Variants in DYNC2H1 observed in about 807,000 individuals in gnomAD.
The protein encoded by DYNC2H1 is cytoplasmic dynein 2 heavy chain 1.
Under a neutral mutation model 570.0 loss-of-function variants are expected in DYNC2H1, and 410 were observed. The ratio of observed to expected loss-of-function variants is 0.72; its 90% CI spans 0.66 to 0.78. DYNC2H1 has a LOEUF of 0.78. Among genes scored for constraint, DYNC2H1 ranks in the 30% least tolerant of loss-of-function variants. DYNC2H1 has a pLI of 0.00. For missense variants in DYNC2H1, 4,865 were observed against 5,046.4 expected (o/e 0.96, Z 1.09); for synonymous variants, 1,688 against 1,677.6 (o/e 1.01, Z -0.15).
At chr11:103,469,776 G>A (rs1029546005) in intron 88 of DYNC2H1, among the ~76,000 whole-genome samples, 5 of 152,086 alleles carry the variant, frequency 3.3e-5, no homozygotes, top group African/African-American at 9.7e-5. Context: ...CAATCTTGCT[G>A]TTAATTCCTA....
chr11:103,316,484 C>G lies in DYNC2H1; in HGVS notation c.11650-61C>G, dbSNP rs140778179. On this transcript the variant is annotated intron_variant, in intron 79 of 88. Transcript: ENST00000375735. ...ATCATTTAATTTAAAGACAGTGATA[C>G]ATACATATATATCTTTGACTACTGC... 171 of 1,119,246 alleles carry G rather than the reference C, an allele frequency of 1.5e-4. No individual in the cohort carries two copies. In the African/African-American group the frequency reaches 2.5e-3, roughly 17 times the overall value. 69.3% of individuals were successfully genotyped at this position (1,119,246 alleles called of 1,614,324 possible).
chr11:103,353,838 A>G (rs149771090), intron 82 of DYNC2H1, among the ~76,000 whole-genome samples: 2,756 of 152,146 alleles, frequency 0.018, 32 homozygotes, highest in Non-Finnish European at 0.027. Flanking sequence ...AAAGTAATCA[A>G]TTACTGAAAT....
At chr11:103,171,898 CAACAA>C (rs1861590116) in intron 34 of DYNC2H1, among the ~76,000 whole-genome samples, 2 of 152,042 alleles carry the variant, frequency 1.3e-5, no homozygotes, top group African/African-American at 4.8e-5. Context: ...AATGTTAAAA[CAACAA>C]ACACTTAGCT....
At chr11:103,213,627 T>A (rs1863248531) in intron 54 of DYNC2H1, among the ~76,000 whole-genome samples, 2 of 150,038 alleles carry the variant, frequency 1.3e-5, no homozygotes, top group East Asian at 1.9e-4. Context: ...GTGTGTCTTT[T>A]AAAAAAAAAA....
intron 85 of DYNC2H1, among the ~76,000 whole-genome samples, chr11:103,437,413 G>T (rs1161032960): frequency 6.6e-6 from 1 of 151,982 alleles, no homozygotes; most frequent in Non-Finnish European, 1.5e-5. Context: ...CTGTTTGCCA[G>T]CCTACAATTG....
rs372055203 is a variant in DYNC2H1, at chr11:103,135,796, G to A, written c.2422G>A (p.Gly808Ser). 122 of 1,612,890 alleles carry A rather than the reference G, an allele frequency of 7.6e-5. No individual in the cohort carries two copies. Among genetic ancestry groups the A allele is most frequent in the Middle Eastern group, 1.7e-4 (1 of 6,056 alleles). ...TTATAGAGAAATGAAGAGATTCATC[G>A]GCATTCCAAATCAGTTTAAGGGAGT... is the stretch of plus-strand genomic sequence containing the variant. ...KYYREMKRFI[G>S]IPNQFKGVGE... Residue 808 changes from glycine (G) to serine (S), a missense_variant, in exon 17 of 89, where the codon GGC becomes AGC. By Grantham distance (56) the Gly-to-Ser change is moderately conservative (BLOSUM62 0). This residue lies in a region of DYNC2H1 where 1,936 missense variants were observed against 1,962.1 expected (regional missense o/e 0.99). Transcript: ENST00000375735.
chr11:103,255,554 G>A lies in DYNC2H1; in HGVS notation c.10326+20G>A, dbSNP rs894786398. On this transcript the variant is annotated intron_variant, in intron 67 of 88. Transcript: ENST00000375735. ...CTAGAGGTAAAAGTCTAGCTATTTA[G>A]GTTACTTTTTTCGTATTACTTTTTT... The A allele has an allele frequency of 2.0e-6, 3 of 1,506,434 alleles. No individual in the cohort carries two copies. Among genetic ancestry groups the A allele is most frequent in the Non-Finnish European group, 2.6e-6 (3 of 1,132,668 alleles). The allele number at this position is 1,506,434 out of a possible 1,614,324, so 93.3% of individuals were successfully genotyped here.
rs752122333 is a variant in DYNC2H1, at chr11:103,455,238, T to TATC, written c.12511_12513dup (p.Ser4171dup). The TATC allele has an allele frequency of 6.2e-7, 1 of 1,613,520 alleles. No homozygotes were observed. The highest frequency in any genetic ancestry group is 8.5e-7 in the Non-Finnish European group (1 of 1,179,566). On this transcript the variant is annotated inframe_insertion, in exon 86 of 89. Coordinates refer to ENST00000375735, the MANE Select transcript of DYNC2H1 (RefSeq NM_001377.3). ...GCTCTTCTCTCTGAAACACTTGACC[T>TATC]ATCAGAACTTTTCCATCCAGACACA...
intron 50 of DYNC2H1, among the ~76,000 whole-genome samples, chr11:103,202,363 C>G (rs61899767): frequency 0.096 from 13,050 of 135,534 alleles, 752 homozygotes; most frequent in Non-Finnish European, 0.12. Context: ...TATTTTAAGA[C>G]AAATTGGTCT....
In DYNC2H1 at chr11:103,177,321, C is replaced by T. The variant is rs1286120096; in HGVS notation, c.5875-235C>T. Among the ~76,000 whole-genome samples, 2 of 151,938 alleles carry T rather than the reference C, an allele frequency of 1.3e-5. No homozygotes were observed. The highest frequency in any genetic ancestry group is 2.4e-5 in the African/African-American group (1 of 41,372). ...TAATTGTTCATACAAGTTTTTTGAACTTGGAAACCTGGAAAGCACCTTTGT... is the reference window on the plus strand; with the variant it reads ...TAATTGTTCATACAAGTTTTTTGAATTTGGAAACCTGGAAAGCACCTTTGT... On this transcript the variant is annotated intron_variant, in intron 37 of 88. Coordinates refer to ENST00000375735, the MANE Select transcript of DYNC2H1 (RefSeq NM_001377.3). The surrounding 1 kb of genome is among the most constrained non-coding windows in gnomAD (Gnocchi z 4.4).
At chr11:103,476,258 T>C (rs1378625701) in intron 88 of DYNC2H1, among the ~76,000 whole-genome samples, 1 of 152,212 alleles carries the variant, frequency 6.6e-6, no homozygotes, top group Non-Finnish European at 1.5e-5. Context: ...CATTTTTTTT[T>C]CTGAAGTTCA....
Position 103,245,443 on chromosome 11 carries a change from G to A in DYNC2H1, c.10042+69G>A. 1.4e-6 allele frequency: 2 copies of A among 1,474,378 alleles called. No individual in the cohort carries two copies. Among genetic ancestry groups the A allele is most frequent in the African/African-American group, 1.4e-5 (1 of 70,288 alleles). The allele number at this position is 1,474,378 out of a possible 1,614,324, so 91.3% of individuals were successfully genotyped here. On this transcript the variant is annotated intron_variant, in intron 65 of 88. Transcript: ENST00000375735. The surrounding 1 kb of genome is among the most constrained non-coding windows in gnomAD (Gnocchi z 4.5). ...TCCAAAGTAAGTAATTAAACCAGGT[G>A]CAAGCTTTCAAGAGTCCTCTTCCAG...
intron 17 of DYNC2H1, among the ~76,000 whole-genome samples, chr11:103,141,807 A>C (rs1363142485): frequency 1.3e-5 from 2 of 152,232 alleles, no homozygotes; most frequent in East Asian, 3.9e-4. Flanking sequence ...CCCTGCCCCC[A>C]GAGGTGGAGC....
At chr11:103,282,147 T>G in intron 71 of DYNC2H1, 32 bp from the exon 72 acceptor site, 2 of 1,592,176 alleles carry the variant, frequency 1.3e-6, no homozygotes, top group East Asian at 4.5e-5. Flanking sequence ...ATCATTTTTA[T>G]ATTTTTGTGT....
At chr11:103,452,069 C>T (rs550735321) in intron 85 of DYNC2H1, among the ~76,000 whole-genome samples, 1 of 152,006 alleles carries the variant, frequency 6.6e-6, no homozygotes, top group East Asian at 1.9e-4. Flanking sequence ...TAAAATTTTA[C>T]TCTGAATGGT....
intron 57 of DYNC2H1, among the ~76,000 whole-genome samples, chr11:103,221,138 G>A (rs562664048): frequency 1.3e-5 from 2 of 151,966 alleles, no homozygotes; most frequent in African/African-American, 2.4e-5. Flanking sequence ...TAAGAGTCTT[G>A]TACTACCGAG....
chr11:103,349,412 A>C (rs181878493), intron 82 of DYNC2H1, among the ~76,000 whole-genome samples: 2 of 152,268 alleles, frequency 1.3e-5, no homozygotes, highest in Admixed American at 6.5e-5. Context: ...GATAAATAAC[A>C]AAAGTATATT....
At chr11:103,470,932 G>C (rs1414138875) in intron 88 of DYNC2H1, among the ~76,000 whole-genome samples, 1 of 152,130 alleles carries the variant, frequency 6.6e-6, no homozygotes, top group African/African-American at 2.4e-5. Flanking sequence ...TATATACCCA[G>C]TAATGGGATG....
chr11:103,404,004 G>A (rs1180007815), intron 84 of DYNC2H1: 2 of 151,910 alleles, frequency 1.3e-5, no homozygotes, highest in South Asian at 2.1e-4. Flanking sequence ...GGGCATCTAT[G>A]CTGTTAGTAT....
Sources: allele counts gnomAD v4.1 joint callset (sites outside exome capture counted in the v4.1 genomes callset), GRCh38; gene constraint gnomAD v4.1.1; regional missense constraint gnomAD v4.1.1; non-coding constraint Gnocchi (gnomAD v3.1); transcripts MANE v1.5; gene names NCBI Gene and HGNC (gene_info 2026-07-23, HGNC 2026-07-21).